Variants in NUP160 observed in about 807,000 individuals in gnomAD.
The protein encoded by NUP160 is nuclear pore complex protein Nup160.
Under a neutral mutation model 196.9 loss-of-function variants are expected in NUP160, and 94 were observed. The ratio of observed to expected loss-of-function variants is 0.48; its 90% CI spans 0.40 to 0.57. The LOEUF (loss-of-function observed/expected upper bound fraction) is 0.57. Ranked by LOEUF, NUP160 falls within the 20% of genes least tolerant of loss-of-function variation. The probability of loss-of-function intolerance (pLI) is 0.00; values close to 1 mark genes in which losing one functional copy is unlikely to be tolerated. For missense variants in NUP160, 1,638 were observed against 1,748.3 expected, an observed-to-expected ratio of 0.94 and a Z score of 1.13; for synonymous variants, 605 against 619.7, an observed-to-expected ratio of 0.98 and a Z score of 0.35.
chr11:47,803,166 T>TAATAAC, intron 22 of NUP160, among the ~76,000 whole-genome samples: 1 of 148,016 alleles, frequency 6.8e-6, no homozygotes, highest in Middle Eastern at 3.6e-3. Context: ...ATAATAATAA[T>TAATAAC]AATAATAATA....
chr11:47,804,571 T>C (rs2097676348), exon 21 of NUP160: 7 of 1,538,164 alleles, frequency 4.6e-6, no homozygotes, highest in Non-Finnish European at 6.1e-6. Context: ...ATATTGGCAA[T>C]TTCCCATCAA....
At chr11:47,820,435 A>C (rs987712558) in intron 9 of NUP160, 5 of 152,258 alleles carry the variant, frequency 3.3e-5, no homozygotes, top group African/African-American at 1.2e-4. Context: ...TACTCATAAA[A>C]TACTACACAT....
At chr11:47,788,116 C>G in intron 31 of NUP160, 66 bp downstream of exon 31, 1 of 1,389,438 alleles carries the variant, frequency 7.2e-7, no homozygotes, top group Non-Finnish European at 1.0e-6. Context: ...ACGACTGTTT[C>G]ACACTGAGCA....
intron 7 of NUP160, among the ~76,000 whole-genome samples, chr11:47,823,891 A>C (rs1168716094): frequency 1.3e-5 from 2 of 151,374 alleles, no homozygotes; most frequent in African/African-American, 4.8e-5. Context: ...CAGGTTGTTT[A>C]CCTATTTGTT....
At chr11:47,793,722 G>GTTTTTTTTTTTT (rs750497969) in intron 27 of NUP160, among the ~76,000 whole-genome samples, 1 of 87,644 alleles carries the variant, frequency 1.1e-5, no homozygotes, top group South Asian at 3.9e-4. Context: ...TAAGATATCT[G>GTTTTTTTTTTTT]TTTTTTTTTT....
exon 18 of NUP160, chr11:47,808,484 G>A: frequency 6.2e-7 from 1 of 1,613,994 alleles, no homozygotes; most frequent in Non-Finnish European, 8.5e-7. Context: ...GTTCGATGTA[G>A]TAGGTCTTGC....
chr11:47,840,124 T>G (rs1045136554), intron 3 of NUP160, 59 bp from the exon 4 acceptor site: 1 of 1,292,866 alleles, frequency 7.7e-7, no homozygotes, highest in African/African-American at 1.5e-5. Flanking sequence ...TTTTGCTCAG[T>G]TCCTCTCTAT....
Position 47,816,739 on chromosome 11 carries a change from G to A in NUP160, c.1432-710C>T, listed in dbSNP as rs186299086. On this transcript the variant is annotated intron_variant, in intron 11 of 35. Coordinates refer to ENST00000378460, the Ensembl canonical transcript of NUP160. ...TGCAGTGAGCCAAGATCGTGCCACC[G>A]CACTCCAGCCTGGGCAACAGAGCGA... Among the ~76,000 whole-genome samples the A allele has an allele frequency of 2.7e-5, 4 of 150,832 alleles. No homozygotes were observed. In the South Asian group the frequency reaches 6.3e-4, roughly 24 times the overall value.
chr11:47,838,482 C>T (rs1351086634), intron 4 of NUP160, among the ~76,000 whole-genome samples: 1 of 152,150 alleles, frequency 6.6e-6, no homozygotes, highest in East Asian at 1.9e-4. Flanking sequence ...CTGAGGCAGG[C>T]GGATCACTTG....
intron 23 of NUP160, among the ~76,000 whole-genome samples, chr11:47,799,957 T>C (rs959087182): frequency 6.6e-6 from 1 of 152,066 alleles, no homozygotes; most frequent in Non-Finnish European, 1.5e-5. Flanking sequence ...GCCAGTCATA[T>C]AAAAAGTACA....
chr11:47,847,881 A>G (rs149114487), exon 2 of NUP160: 2 of 1,613,920 alleles, frequency 1.2e-6, no homozygotes, highest in African/African-American at 2.7e-5. Context: ...TACGGAGAAC[A>G]ACTTGCCACT....
chr11:47,804,349 T>C (rs1477551097), intron 21 of NUP160, 200 bp downstream of exon 21: 7 of 505,554 alleles, frequency 1.4e-5, no homozygotes, highest in Non-Finnish European at 2.1e-5. Flanking sequence ...CAACCCTATT[T>C]AGCTTCGTAG....
chr11:47,836,405 T>TTA (rs1407348781), intron 6 of NUP160, among the ~76,000 whole-genome samples: 1 of 152,128 alleles, frequency 6.6e-6, no homozygotes, highest in Non-Finnish European at 1.5e-5. Context: ...TTTGTTGCTC[T>TTA]TAAATGAAAG....
exon 15 of NUP160, chr11:47,813,022 T>A (rs1333272623): frequency 1.9e-6 from 3 of 1,610,562 alleles, no homozygotes; most frequent in Non-Finnish European, 1.7e-6. Context: ...TTATAAGACA[T>A]ATGACATCCC....
exon 36 of NUP160, chr11:47,779,094 G>A: frequency 6.2e-7 from 1 of 1,606,428 alleles, no homozygotes; most frequent in Non-Finnish European, 8.5e-7. Context: ...AAGGCTAGGT[G>A]ACAATCCAAA....
rs569501738 is a variant in NUP160, at chr11:47,783,192, C to T, written c.3997G>A (p.Asp1333Asn). 152 of 1,613,082 alleles carry T rather than the reference C, an allele frequency of 9.4e-5. No homozygotes were observed. Among genetic ancestry groups the T allele is most frequent in the Non-Finnish European group, 1.2e-4 (139 of 1,179,676 alleles). ...TATAAACGAAGCAATTCAGCAGCAT[C>T]AACCTTCTGTGAAAAGTCAGTGATT... The change falls in exon 34 of 36, where the codon GAT becomes AAT. Residue 1333 changes from aspartate (D) to asparagine (N), a missense_variant. Around this residue, in one of 3 missense-constraint regions of NUP160, gnomAD observed 1,345 missense variants for 1,470.2 expected, o/e 0.91. Coordinates refer to ENST00000378460, the Ensembl canonical transcript of NUP160.
In NUP160 at chr11:47,813,297, A is replaced by G; in HGVS notation, c.1786+19T>C. On this transcript the variant is annotated intron_variant, in intron 14 of 35. Coordinates refer to ENST00000378460, the Ensembl canonical transcript of NUP160. Reference sequence around the variant, plus strand: ...TATATAGGAAGGGGATTAAATATGGACATAACAATTACTATTACCATCAGA... The same window carrying G: ...TATATAGGAAGGGGATTAAATATGGGCATAACAATTACTATTACCATCAGA... 1 of 1,485,416 alleles carries G rather than the reference A, an allele frequency of 6.7e-7. No individual in the cohort carries two copies. Among genetic ancestry groups the G allele is most frequent in the Non-Finnish European group, 9.4e-7 (1 of 1,063,408 alleles). The allele number at this position is 1,485,416 out of a possible 1,614,324, so 92.0% of individuals were successfully genotyped here.
intron 6 of NUP160, 88 bp downstream of exon 6, chr11:47,836,799 A>C (rs1200943205): frequency 5.2e-6 from 4 of 767,486 alleles, no homozygotes; most frequent in Non-Finnish European, 9.0e-6. Context: ...TTGATCTAAT[A>C]ATCTTTAGAG....
At chr11:47,798,313 T>A (rs2097672059) in intron 24 of NUP160, 51 bp from the exon 25 acceptor site, 4 of 1,536,200 alleles carry the variant, frequency 2.6e-6, no homozygotes, top group Non-Finnish European at 3.6e-6. Context: ...GAAATGAACA[T>A]ACCACACCCA....
Sources: gnomAD v4.1 joint callset for allele counts (sites outside exome capture counted in the v4.1 genomes callset) on GRCh38, gnomAD v4.1.1 for gene constraint, gnomAD v4.1.1 regional missense constraint, MANE v1.5 for transcripts, NCBI Gene and HGNC (gene_info 2026-07-23, HGNC 2026-07-21) for gene names.